The following CEP68 variants were observed in gnomAD, a reference collection of about 807,000 sequenced individuals.
The protein encoded by CEP68 is centrosomal protein 68.
A neutral mutation model predicts 55.3 loss-of-function variants in CEP68; 26 were observed. The observed-to-expected ratio is 0.47, with a 90% CI of 0.34 to 0.65. The LOEUF (loss-of-function observed/expected upper bound fraction) is 0.65. Ranked by LOEUF, CEP68 falls within the 30% of genes least tolerant of loss-of-function variation. CEP68 has a pLI of 0.01. For missense variants in CEP68, 957 were observed against 946.7 expected, an observed-to-expected ratio of 1.01 and a Z score of -0.14; for synonymous variants, 402 against 383.2, an observed-to-expected ratio of 1.05 and a Z score of -0.57.
chr2:65,080,562 T>C, intron 5 of CEP68: 1 of 984,356 alleles, frequency 1.0e-6, no homozygotes, highest in Non-Finnish European at 1.2e-6. Flanking sequence ...CTCACGCCTG[T>C]AATCTCAACA....
At chr2:65,082,396 A>G in intron 5 of CEP68, 140 bp from the exon 6 acceptor site, 3 of 590,174 alleles carry the variant, frequency 5.1e-6, no homozygotes, top group African/African-American at 3.9e-5. Flanking sequence ...CTGTTAAAAA[A>G]GGGCAGACAT....
At chr2:65,078,015 G>A in intron 5 of CEP68, 51 bp downstream of exon 5, 1 of 1,413,184 alleles carries the variant, frequency 7.1e-7, no homozygotes, top group South Asian at 1.2e-5. Flanking sequence ...CCTGTCAGCA[G>A]CAGGCCCAGG....
intron 5 of CEP68, among the ~76,000 whole-genome samples, chr2:65,081,889 G>T (rs1210580825): frequency 2.0e-5 from 3 of 152,186 alleles, no homozygotes; most frequent in Admixed American, 2.0e-4. Context: ...TAGAGACGGG[G>T]TTTCTCCATG....
intron 1 of CEP68, among the ~76,000 whole-genome samples, chr2:65,067,295 G>A (rs1047265401): frequency 1.1e-4 from 17 of 152,184 alleles, no homozygotes; most frequent in Non-Finnish European, 2.4e-4. Context: ...TAGGAGAATC[G>A]CTTGAACCCG....
At position 65,071,887 on chromosome 2, in the gene CEP68, G is replaced by A; in HGVS notation, c.791G>A (p.Arg264Lys). 6.2e-7 allele frequency: 1 copy of A among 1,612,106 alleles called. No homozygotes were observed. Among genetic ancestry groups the A allele is most frequent in the Non-Finnish European group, 8.5e-7 (1 of 1,179,162 alleles). ...FSGGDASGLG[R>K]RRLSFQAEYW... ...GGGGGTGATGCTTCTGGGCTAGGCAGGAGACGCCTCTCCTTCCAGGCTGAG... is the reference window on the plus strand; with the variant it reads ...GGGGGTGATGCTTCTGGGCTAGGCAAGAGACGCCTCTCCTTCCAGGCTGAG... Residue 264 changes from arginine (R) to lysine (K), a missense_variant, in exon 3 of 7, where the codon AGG (arginine) becomes AAG (lysine). Physicochemically the swap from Arg to Lys is conservative, Grantham distance 26. Coordinates refer to ENST00000377990, the MANE Select transcript of CEP68 (RefSeq NM_015147.3).
At chr2:65,069,922 C>T in intron 2 of CEP68, 121 bp downstream of exon 2, 2 of 917,274 alleles carry the variant, frequency 2.2e-6, no homozygotes, top group Admixed American at 4.3e-5. Context: ...TTGGAGGGGC[C>T]TGAGTATGAT....
intron 5 of CEP68, among the ~76,000 whole-genome samples, chr2:65,080,878 G>C (rs748010309): frequency 7.9e-5 from 12 of 152,062 alleles, no homozygotes; most frequent in Non-Finnish European, 1.2e-4. Context: ...CAATGTTTCT[G>C]TGACATCGCA....
In CEP68 at chr2:65,071,912, G is replaced by A; in HGVS notation, c.816G>A (p.Glu272=). The A allele has an allele frequency of 6.2e-7, 1 of 1,613,212 alleles. No individual in the cohort carries two copies. The highest frequency in any genetic ancestry group is 8.5e-7 in the Non-Finnish European group (1 of 1,179,906). ...LGRRRLSFQA[E]YWACVLPDSL... The stretch of plus-strand genomic sequence containing the variant: ...GGAGACGCCTCTCCTTCCAGGCTGA[G>A]TACTGGGCCTGTGTGCTGCCAGATT... The change falls in exon 3 of 7, where the codon GAG becomes GAA. Residue 272 remains glutamate (E), a synonymous_variant. Coordinates refer to ENST00000377990, the MANE Select transcript of CEP68 (RefSeq NM_015147.3).
rs539039469 is a variant in CEP68, at chr2:65,058,461, G to A, written c.-47+1933G>A. 1.7e-4 allele frequency among the ~76,000 whole-genome samples: 26 copies of A among 149,572 alleles called. No homozygotes were observed. In the East Asian group the frequency reaches 5.0e-3, roughly 29 times the overall value. On this transcript the variant is annotated intron_variant, in intron 1 of 6. Transcript: ENST00000377990. ...TCAAGCGATTACTGGCATGAGCCAC[G>A]GTGCCTGACACCTTATCCGATGGCT...
At chr2:65,067,681 G>A (rs1676258745) in intron 1 of CEP68, among the ~76,000 whole-genome samples, 1 of 152,078 alleles carries the variant, frequency 6.6e-6, no homozygotes, top group Non-Finnish European at 1.5e-5. Flanking sequence ...TGCCTGCCCT[G>A]GCTCATTTTG....
chr2:65,072,454 A>G lies in CEP68; in HGVS notation c.1358A>G (p.Glu453Gly). 1 of 1,614,058 alleles carries G rather than the reference A, an allele frequency of 6.2e-7. No homozygotes were observed. Among genetic ancestry groups the G allele is most frequent in the African/African-American group, 1.3e-5 (1 of 75,022 alleles). Residue 453 changes from glutamate to glycine, a missense_variant, in exon 3 of 7, where the codon GAG becomes GGG. Transcript: ENST00000377990. ...TGGCCCTCGCCCAGGCCAGAGAGGG[A>G]GAAGAGGACCAGCCAGAGTGCCCGG... ...RGWPSPRPER[E>G]KRTSQSARRP...
intron 1 of CEP68, among the ~76,000 whole-genome samples, chr2:65,058,402 C>T (rs1035909262): frequency 4.0e-5 from 6 of 149,404 alleles, no homozygotes; most frequent in African/African-American, 1.5e-4. Context: ...TGACGTCTCT[C>T]TATATTGCCC....
At chr2:65,058,994 T>A (rs919351257) in intron 1 of CEP68, among the ~76,000 whole-genome samples, 1 of 152,180 alleles carries the variant, frequency 6.6e-6, no homozygotes, top group African/African-American at 2.4e-5. Context: ...GGGTCTGTTA[T>A]CTGAAATGGT....
chr2:65,077,187 G>A lies in CEP68; in HGVS notation c.2008-681G>A, dbSNP rs1413099900. On this transcript the variant is annotated intron_variant, in intron 4 of 6. Coordinates refer to ENST00000377990, the MANE Select transcript of CEP68 (RefSeq NM_015147.3). The stretch of plus-strand genomic sequence containing the variant: ...ATTTTTTTGTATTTTTAGTAGAGAC[G>A]GGGTTTCTCCATGTTGGTCAGGCTG... Among the ~76,000 whole-genome samples, 7 of 151,932 alleles carry A rather than the reference G, an allele frequency of 4.6e-5. No homozygotes were observed. The East Asian group carries it at 1.2e-3, about 25-fold the overall frequency.
chr2:65,064,241 C>G (rs1676045534), intron 1 of CEP68, among the ~76,000 whole-genome samples: 1 of 152,184 alleles, frequency 6.6e-6, no homozygotes, highest in Non-Finnish European at 1.5e-5. Context: ...CTCCCTATCT[C>G]TCCAGGCTAA....
intron 4 of CEP68, among the ~76,000 whole-genome samples, chr2:65,077,597 C>T (rs1676824977): frequency 6.6e-6 from 1 of 152,208 alleles, no homozygotes; most frequent in Admixed American, 6.5e-5. Flanking sequence ...GAGACCCTAA[C>T]TCCAAGCTGT....
intron 1 of CEP68, among the ~76,000 whole-genome samples, chr2:65,059,923 T>C (rs1675827119): frequency 6.6e-6 from 1 of 151,788 alleles, no homozygotes; most frequent in Admixed American, 6.5e-5. Flanking sequence ...AAGTATTGGG[T>C]AAATGGGTTT....
At chr2:65,074,934 T>C (rs990687574) in intron 4 of CEP68, 1 of 200,278 alleles carries the variant, frequency 5.0e-6, no homozygotes, top group Non-Finnish European at 1.0e-5. Flanking sequence ...TCAGATTTTT[T>C]TATTTGCACT....
intron 3 of CEP68, 134 bp from the exon 4 acceptor site, chr2:65,074,148 A>G: frequency 1.0e-6 from 1 of 996,978 alleles, no homozygotes; most frequent in Non-Finnish European, 1.5e-6. Flanking sequence ...GAGTCGGGAC[A>G]GGTGAGCAAG....
Sources: gnomAD v4.1 joint callset for allele counts (sites outside exome capture counted in the v4.1 genomes callset) on GRCh38, gnomAD v4.1.1 for gene constraint, MANE v1.5 for transcripts, NCBI Gene and HGNC (gene_info 2026-07-23, HGNC 2026-07-21) for gene names.